The following LRRC20 variants were observed in gnomAD, a reference collection of about 807,000 sequenced individuals.
The protein encoded by LRRC20 is leucine-rich repeat-containing protein 20.
LRRC20 carries 11 observed loss-of-function variants against 14.4 expected under a neutral mutation model. That is an observed-to-expected ratio of 0.77 (90% CI 0.48 to 1.27). LRRC20 has a LOEUF of 1.27. Ranked by LOEUF, LRRC20 falls within the 50% of genes most tolerant of loss-of-function variation. The pLI, the probability that LRRC20 is intolerant of heterozygous loss-of-function variation, is 0.00. For missense variants in LRRC20, 219 were observed against 251.2 expected (o/e 0.87, Z 0.87); for synonymous variants, 121 against 107.3 (o/e 1.13, Z -0.79).
chr10:70,322,497 G>C (rs547234864), intron 4 of LRRC20, among the ~76,000 whole-genome samples: 2 of 152,312 alleles, frequency 1.3e-5, no homozygotes, highest in South Asian at 4.1e-4. Flanking sequence ...AGGGAGAGCC[G>C]CGCAGGCCAA....
intron 4 of LRRC20, among the ~76,000 whole-genome samples, chr10:70,317,137 A>G (rs911829004): frequency 3.0e-4 from 45 of 152,268 alleles, no homozygotes; most frequent in African/African-American, 1.1e-3. Context: ...CAGGTTTGAC[A>G]TTGTCCTTCC....
intron 4 of LRRC20, among the ~76,000 whole-genome samples, chr10:70,315,320 T>G (rs1841814042): frequency 6.6e-6 from 1 of 152,144 alleles, no homozygotes; most frequent in African/African-American, 2.4e-5. Flanking sequence ...AAGGAACATT[T>G]CCCAAATGCC....
intron 4 of LRRC20, among the ~76,000 whole-genome samples, chr10:70,303,056 T>TTA (rs1423775597): frequency 1.3e-5 from 2 of 152,122 alleles, no homozygotes; most frequent in African/African-American, 4.8e-5. Context: ...GCACATTTTG[T>TTA]TATATATATT....
chr10:70,317,626 G>A (rs1841913708), intron 4 of LRRC20, among the ~76,000 whole-genome samples: 1 of 152,170 alleles, frequency 6.6e-6, no homozygotes, highest in Admixed American at 6.5e-5. Flanking sequence ...CGATCCTCCT[G>A]CCTTGGCCTC....
At chr10:70,355,514 C>T (rs777371465) in intron 2 of LRRC20, among the ~76,000 whole-genome samples, 9 of 152,048 alleles carry the variant, frequency 5.9e-5, no homozygotes, top group Admixed American at 3.9e-4. Flanking sequence ...GGAGGGTTGT[C>T]GGGAAGAGAA....
chr10:70,367,321 C>A (rs1219696336), intron 2 of LRRC20, among the ~76,000 whole-genome samples: 1 of 79,190 alleles, frequency 1.3e-5, no homozygotes, highest in Non-Finnish European at 2.3e-5. Flanking sequence ...AGAGTGAGAC[C>A]CGGTCTCAAA....
At chr10:70,321,989 G>A (rs1842098175) in intron 4 of LRRC20, among the ~76,000 whole-genome samples, 1 of 152,214 alleles carries the variant, frequency 6.6e-6, no homozygotes. Flanking sequence ...CTGTGGCTGT[G>A]CCTGCTAAGA....
At chr10:70,373,867 T>G (rs1436304055) in intron 2 of LRRC20, among the ~76,000 whole-genome samples, 1 of 152,162 alleles carries the variant, frequency 6.6e-6, no homozygotes, top group East Asian at 1.9e-4. Flanking sequence ...GAGAACTGCT[T>G]GGGTTCCTTG....
At chr10:70,323,642 A>C (rs1258970952) in intron 4 of LRRC20, among the ~76,000 whole-genome samples, 1 of 152,196 alleles carries the variant, frequency 6.6e-6, no homozygotes, top group Non-Finnish European at 1.5e-5. Flanking sequence ...GGTGAAAGCC[A>C]AGGCCGTCTA....
intron 2 of LRRC20, among the ~76,000 whole-genome samples, chr10:70,341,256 G>C (rs1268522305): frequency 2.0e-5 from 3 of 152,186 alleles, no homozygotes; most frequent in Admixed American, 6.5e-5. Flanking sequence ...ACAGAGCACA[G>C]AGTTACCATA....
In LRRC20 at chr10:70,300,351, A is replaced by C; in HGVS notation, c.*1003T>G. On this transcript the variant is annotated 3_prime_UTR_variant, in exon 5 of 5. Transcript: ENST00000446961. Reference sequence around the variant, plus strand: ...CAGCTGGTCACCCTGTTGCCTGACCATACCCTAAGATGCCAGGTTGAGGGC... The same window carrying C: ...CAGCTGGTCACCCTGTTGCCTGACCCTACCCTAAGATGCCAGGTTGAGGGC... 1 of 985,352 alleles carries C rather than the reference A, an allele frequency of 1.0e-6. No homozygotes were observed. Among genetic ancestry groups the C allele is most frequent in the East Asian group, 1.1e-4 (1 of 8,816 alleles). 61.0% of individuals were successfully genotyped at this position (985,352 alleles called of 1,614,324 possible).
At chr10:70,321,239 G>T (rs572120253) in intron 4 of LRRC20, among the ~76,000 whole-genome samples, 1 of 152,174 alleles carries the variant, frequency 6.6e-6, no homozygotes, top group African/African-American at 2.4e-5. Context: ...TCCCAGTGAG[G>T]TGCTGCAGGA....
At position 70,323,890 on chromosome 10, in the gene LRRC20, T is replaced by C. The variant is rs750518418; in HGVS notation, c.373A>G (p.Ile125Val). Residue 125 changes from isoleucine (I) to valine (V), a missense_variant, in exon 4 of 5, where the codon ATC (isoleucine) becomes GTC (valine). Coordinates refer to ENST00000446961, the MANE Select transcript of LRRC20 (RefSeq NM_001278212.2). ...ACGATCTCGTTCTCCTCCAGGTTGA[T>C]GGTCTCCAGCGCCGGCAGGGCGGTA... ...QLTALPALET[I>V]NLEENEIVDV... 1.9e-6 allele frequency: 3 copies of C among 1,614,168 alleles called. No individual in the cohort carries two copies. Among genetic ancestry groups the C allele is most frequent in the Non-Finnish European group, 2.5e-6 (3 of 1,180,016 alleles).
At chr10:70,348,979 C>T (rs1381256660) in intron 2 of LRRC20, among the ~76,000 whole-genome samples, 3 of 152,214 alleles carry the variant, frequency 2.0e-5, no homozygotes, top group African/African-American at 7.2e-5. Flanking sequence ...TGCCAGAGAA[C>T]ACAGCCAAGA....
intron 2 of LRRC20, among the ~76,000 whole-genome samples, chr10:70,354,462 C>A (rs1024326240): frequency 2.0e-5 from 3 of 152,172 alleles, no homozygotes; most frequent in African/African-American, 7.2e-5. Flanking sequence ...TCACCCACAG[C>A]ATTAGCATCA....
chr10:70,320,306 G>T (rs980939862), intron 4 of LRRC20, among the ~76,000 whole-genome samples: 1 of 132,124 alleles, frequency 7.6e-6, no homozygotes, highest in African/African-American at 2.6e-5. Context: ...GAGATAGATA[G>T]ATAGATAGAT....
At chr10:70,336,836 C>G (rs970668152) in intron 3 of LRRC20, among the ~76,000 whole-genome samples, 5 of 152,090 alleles carry the variant, frequency 3.3e-5, no homozygotes, top group African/African-American at 1.2e-4. Context: ...CCTGGCAGTC[C>G]CAGGACACAC....
intron 2 of LRRC20, among the ~76,000 whole-genome samples, chr10:70,370,788 G>A (rs1327349652): frequency 6.6e-6 from 1 of 150,704 alleles, no homozygotes; most frequent in African/African-American, 2.4e-5. Context: ...TATAGGCTGA[G>A]ACAAGAGGAT....
chr10:70,360,358 T>C (rs148540752), intron 2 of LRRC20, among the ~76,000 whole-genome samples: 268 of 151,738 alleles, frequency 1.8e-3, no homozygotes, highest in African/African-American at 6.3e-3. Flanking sequence ...TGGTTCCTCA[T>C]TGCTTTCCTC....
Sources: allele counts gnomAD v4.1 joint callset (sites outside exome capture counted in the v4.1 genomes callset), GRCh38; gene constraint gnomAD v4.1.1; transcripts MANE v1.5; gene names NCBI Gene and HGNC (gene_info 2026-07-23, HGNC 2026-07-21).